The following GSTA1 variants were observed in gnomAD, a reference collection of about 807,000 sequenced individuals.
GSTA1 encodes the protein glutathione S-transferase A1.
GSTA1 carries 23 observed loss-of-function variants against 21.5 expected under a neutral mutation model. The ratio of observed to expected loss-of-function variants is 1.07; its 90% CI spans 0.77 to 1.52. The LOEUF (loss-of-function observed/expected upper bound fraction) is 1.52. Ranked by LOEUF, GSTA1 falls within the 40% of genes most tolerant of loss-of-function variation. The pLI is 0.00. For missense variants in GSTA1, 301 were observed against 264.2 expected (o/e 1.14, Z -0.96); for synonymous variants, 125 against 90.0 (o/e 1.39, Z -2.20).
At chr6:52,792,053 T>C in intron 6 of GSTA1, 73 bp from the exon 7 acceptor site, 3 of 1,596,566 alleles carry the variant, frequency 1.9e-6, no homozygotes, top group Admixed American at 1.7e-5. Flanking sequence ...CCAGGGAATC[T>C]GAGCCCCTCC....
intron 4 of GSTA1, 48 bp from the exon 5 acceptor site, chr6:52,794,314 T>G: frequency 6.4e-7 from 1 of 1,562,936 alleles, no homozygotes; most frequent in South Asian, 1.2e-5. Flanking sequence ...TGCCTTAGAT[T>G]TTATAGGTTT....
At chr6:52,794,337 G>C (rs7453031) in intron 4 of GSTA1, 71 bp from the exon 5 acceptor site, 1 of 1,482,028 alleles carries the variant, frequency 6.7e-7, no homozygotes. Context: ...AAAAACCTAA[G>C]GGAGTAGAGT....
intron 5 of GSTA1, 46 bp from the exon 6 acceptor site, chr6:52,793,033 C>A (rs1323453252): frequency 1.2e-6 from 2 of 1,612,940 alleles, no homozygotes; most frequent in Admixed American, 1.7e-5. Context: ...CACACCCAGG[C>A]TAGGACCCCT....
intron 4 of GSTA1, 120 bp from the exon 5 acceptor site, chr6:52,794,386 C>T (rs1169262815): frequency 2.3e-6 from 2 of 882,702 alleles, no homozygotes; most frequent in Non-Finnish European, 3.5e-6. Context: ...CAGTGGGTGC[C>T]TTTTATAGTC....
chr6:52,802,296 A>C (rs1763737160), intron 1 of GSTA1, among the ~76,000 whole-genome samples: 1 of 152,224 alleles, frequency 6.6e-6, no homozygotes. Context: ...AGGTGGTCCC[A>C]ATGACACTGT....
chr6:52,796,177 C>A lies in GSTA1; in HGVS notation c.272+5G>T. 1 of 1,612,754 alleles carries A rather than the reference C, an allele frequency of 6.2e-7. No individual in the cohort carries two copies. Among genetic ancestry groups the A allele is most frequent in the Non-Finnish European group, 8.5e-7 (1 of 1,179,672 alleles). ...GTGGATGGAAGAACAGAAAATATAC[C>A]GTACAGGGCTCTCTCCTTTATGTCT... On this transcript the variant is annotated splice_donor_5th_base_variant and intron_variant, in intron 4 of 6. Transcript: ENST00000334575.
Position 52,794,230 on chromosome 6 carries a change from A to T in GSTA1, c.309T>A (p.Gly103=). Residue 103 remains glycine, a synonymous_variant, in exon 5 of 7, where the codon GGT becomes GGA. Coordinates refer to ENST00000334575, the MANE Select transcript of GSTA1 (RefSeq NM_145740.5). ...DMYIEGIADL[G]EMILLLPVCP... ...ATACGGGCAGAAGGAGGATCATTTC[A>T]CCCAAATCTGCTATACCTTCTATAT... The T allele has an allele frequency of 6.2e-7, 1 of 1,613,760 alleles. No individual in the cohort carries two copies. The highest frequency in any genetic ancestry group is 8.5e-7 in the Non-Finnish European group (1 of 1,179,670).
rs750671141 is a variant in GSTA1, at chr6:52,799,219, C to T, written c.49G>A (p.Glu17Lys). The T allele has an allele frequency of 4.6e-5, 74 of 1,613,900 alleles. No individual in the cohort carries two copies. Among genetic ancestry groups the T allele is most frequent in the Non-Finnish European group, 6.3e-5 (74 of 1,179,932 alleles). The change falls in exon 2 of 7, where the codon GAG becomes AAG. Residue 17 changes from glutamate (E) to lysine (K), a missense_variant. Glu to Lys is a moderately conservative substitution (Grantham distance 56, BLOSUM62 1). Coordinates refer to ENST00000334575, the MANE Select transcript of GSTA1 (RefSeq NM_145740.5). ...LHYFNARGRM[E>K]STRWLLAAAG... ...GCAGCCAGGAGCCACCGGGTGGACT[C>T]CATTCTGCCCCGTGCATTGAAGTAG... is the stretch of plus-strand genomic sequence containing the variant.
chr6:52,799,208 C>T lies in GSTA1; in HGVS notation c.60G>A (p.Arg20=), dbSNP rs1319327893. The change falls in exon 2 of 7, where the codon CGG becomes CGA. Residue 20 remains arginine, a synonymous_variant. Transcript: ENST00000334575. ...CTACTCCAGCTGCAGCCAGGAGCCA[C>T]CGGGTGGACTCCATTCTGCCCCGTG... ...FNARGRMEST[R]WLLAAAGVEF... 4 of 1,613,958 alleles carry T rather than the reference C, an allele frequency of 2.5e-6. No individual in the cohort carries two copies. The South Asian group carries it at 4.4e-5, about 18-fold the overall frequency.
intron 4 of GSTA1, 34 bp downstream of exon 4, chr6:52,796,148 C>A: frequency 6.2e-7 from 1 of 1,611,706 alleles, no homozygotes; most frequent in Non-Finnish European, 8.5e-7. Flanking sequence ...ACTCTGTGTT[C>A]TCTGTGGATG....
At chr6:52,800,022 G>A (rs934265018) in intron 1 of GSTA1, among the ~76,000 whole-genome samples, 5 of 152,172 alleles carry the variant, frequency 3.3e-5, no homozygotes, top group African/African-American at 1.2e-4. Flanking sequence ...GACAGAGATT[G>A]TTAATCCCTG....
At chr6:52,792,005 A>C (rs372342025) in intron 6 of GSTA1, 25 bp from the exon 7 acceptor site, 11 of 1,613,262 alleles carry the variant, frequency 6.8e-6, no homozygotes, top group Non-Finnish European at 9.3e-6. Context: ...GCACAGCCTC[A>C]GAGTGAAGCC....
intron 1 of GSTA1, among the ~76,000 whole-genome samples, chr6:52,803,559 G>C (rs1377308948): frequency 2.6e-5 from 4 of 151,966 alleles, no homozygotes; most frequent in African/African-American, 9.7e-5. Flanking sequence ...ATTAAATGCT[G>C]AAGCCCTGGT....
intron 3 of GSTA1, among the ~76,000 whole-genome samples, 199 bp from the exon 4 acceptor site, chr6:52,796,513 G>GTATATATATATA (rs1561912815): frequency 1.5e-3 from 13 of 8,914 alleles, no homozygotes; most frequent in African/African-American, 3.7e-3. Context: ...GTGTGTGTGT[G>GTATATATATATA]TGTGTGTGTG....
intron 3 of GSTA1, among the ~76,000 whole-genome samples, chr6:52,797,129 T>C (rs1236585135): frequency 6.6e-6 from 1 of 152,198 alleles, no homozygotes; most frequent in Non-Finnish European, 1.5e-5. Context: ...TAAGGGTCCC[T>C]TTCTGTGCTC....
chr6:52,795,801 T>C (rs1763562172), intron 4 of GSTA1, among the ~76,000 whole-genome samples: 2 of 152,108 alleles, frequency 1.3e-5, no homozygotes, highest in Admixed American at 1.3e-4. Context: ...CAACTTTCCC[T>C]CCCCAGTCCT....
intron 2 of GSTA1, among the ~76,000 whole-genome samples, 196 bp from the exon 3 acceptor site, chr6:52,797,833 A>T (rs1000768383): frequency 2.0e-5 from 3 of 152,216 alleles, no homozygotes; most frequent in African/African-American, 7.2e-5. Flanking sequence ...CACAGCACAT[A>T]GCTGCTAAAT....
chr6:52,791,990 A>C lies in GSTA1; in HGVS notation c.547-10T>G, dbSNP rs757413773. 7 of 1,613,808 alleles carry C rather than the reference A, an allele frequency of 4.3e-6. No individual in the cohort carries two copies. Among genetic ancestry groups the C allele is most frequent in the Non-Finnish European group, 5.9e-6 (7 of 1,179,860 alleles). ...TTCTGGTTTTCAGGGCCTGTAATTCATAAAGCACAGCCTCAGAGTGAAGCC... is the reference window on the plus strand; with the variant it reads ...TTCTGGTTTTCAGGGCCTGTAATTCCTAAAGCACAGCCTCAGAGTGAAGCC... On this transcript the variant is annotated splice_polypyrimidine_tract_variant and intron_variant, in intron 6 of 6. Coordinates refer to ENST00000334575, the MANE Select transcript of GSTA1 (RefSeq NM_145740.5).
In GSTA1 at chr6:52,799,196, A is replaced by G. The variant is rs775654722; in HGVS notation, c.72T>C (p.Ala24=). The change falls in exon 2 of 7, where the codon GCT becomes GCC. Residue 24 remains alanine, a synonymous_variant. Coordinates refer to ENST00000334575, the MANE Select transcript of GSTA1 (RefSeq NM_145740.5). ...GRMESTRWLL[A]AAGVEFEEKF... ...CAGAACCTACCTCTACTCCAGCTGC[A>G]GCCAGGAGCCACCGGGTGGACTCCA... 6.2e-7 allele frequency: 1 copy of G among 1,613,908 alleles called. No homozygotes were observed. The highest frequency in any genetic ancestry group is 1.1e-5 in the South Asian group (1 of 91,066).
Sources: allele counts gnomAD v4.1 joint callset (sites outside exome capture counted in the v4.1 genomes callset), GRCh38; gene constraint gnomAD v4.1.1; transcripts MANE v1.5; gene names NCBI Gene and HGNC (gene_info 2026-07-23, HGNC 2026-07-21).